The following EMP2 variants were observed in gnomAD, a reference collection of about 807,000 sequenced individuals.
The protein encoded by EMP2 is epithelial membrane protein 2.
Under a neutral mutation model 13.7 loss-of-function variants are expected in EMP2, and 19 were observed. The ratio of observed to expected loss-of-function variants is 1.38; its 90% confidence interval spans 0.97 to 2.03. The LOEUF is 2.03. Ranked by LOEUF, EMP2 falls within the 30% of genes most tolerant of loss-of-function variation. The probability of loss-of-function intolerance (pLI) is 0.00; values close to 1 mark genes in which losing one functional copy is unlikely to be tolerated. For missense variants in EMP2, 253 were observed against 220.7 expected, an observed-to-expected ratio of 1.15 and a Z score of -0.93; for synonymous variants, 97 against 84.7, an observed-to-expected ratio of 1.15 and a Z score of -0.80.
intron 1 of EMP2, among the ~76,000 whole-genome samples, chr16:10,567,014 C>A (rs1448257444): frequency 1.3e-5 from 2 of 152,334 alleles, no homozygotes; most frequent in East Asian, 3.9e-4. Flanking sequence ...GACTTCTTCT[C>A]TTCATTCAGC....
chr16:10,547,537 T>C lies in EMP2; in HGVS notation c.78+3A>G. The C allele has an allele frequency of 6.2e-7, 1 of 1,613,986 alleles. No individual in the cohort carries two copies. The highest frequency in any genetic ancestry group is 8.5e-7 in the Non-Finnish European group (1 of 1,180,010). ...TGCGTGAGTGGCAGGAAAGGAAACT[T>C]ACATTGTCGACGGTGGCAATGAACA... On this transcript the variant is annotated splice_donor_region_variant and intron_variant, in intron 2 of 4. Transcript: ENST00000359543.
intron 1 of EMP2, among the ~76,000 whole-genome samples, chr16:10,551,525 G>A (rs1172605113): frequency 6.6e-6 from 1 of 152,186 alleles, no homozygotes; most frequent in African/African-American, 2.4e-5. Context: ...TCCTGCCTCA[G>A]CCTCCCCAGT....
chr16:10,539,716 T>TA (rs1310660228), intron 3 of EMP2, among the ~76,000 whole-genome samples: 10 of 151,578 alleles, frequency 6.6e-5, no homozygotes, highest in Admixed American at 1.3e-4. Flanking sequence ...ATAACTCCAT[T>TA]AAAAAAAGAA....
chr16:10,546,382 C>T (rs1307889262), intron 2 of EMP2: 1 of 152,180 alleles, frequency 6.6e-6, no homozygotes, highest in South Asian at 2.1e-4. Context: ...TGATGTCACT[C>T]CCTGTTTGGA....
intron 1 of EMP2, among the ~76,000 whole-genome samples, chr16:10,574,944 T>C (rs1467424386): frequency 1.3e-5 from 2 of 151,836 alleles, no homozygotes; most frequent in Admixed American, 1.3e-4. Flanking sequence ...ATCCTCAAAG[T>C]GGCAGCAGAC....
intron 1 of EMP2, among the ~76,000 whole-genome samples, chr16:10,574,130 G>C (rs1439134500): frequency 6.6e-6 from 1 of 151,826 alleles, no homozygotes; most frequent in African/African-American, 2.4e-5. Context: ...TAGAGATGGG[G>C]TTTCACTATA....
In EMP2 at chr16:10,530,487, G is replaced by T. The variant is rs2050590234; in HGVS notation, c.*2418C>A. On this transcript the variant is annotated 3_prime_UTR_variant, in exon 5 of 5. Transcript: ENST00000359543. ...TGCAAAAGTATTTAAATAGCACGAG[G>T]TCCCACACCCCATCCCAGGACAGCC... The T allele has an allele frequency of 6.6e-6, 1 of 152,428 alleles. No individual in the cohort carries two copies. Among genetic ancestry groups the T allele is most frequent in the South Asian group, 2.1e-4 (1 of 4,810 alleles). The allele number at this position is 152,428 out of a possible 1,614,324, so 9.4% of individuals were successfully genotyped here.
At chr16:10,546,167 G>C (rs531473023) in intron 2 of EMP2, 51 of 152,292 alleles carry the variant, frequency 3.3e-4, no homozygotes, top group African/African-American at 1.1e-3. Context: ...ATCGCTAAGT[G>C]ACAGGCATTA....
chr16:10,549,026 C>T (rs1451493125), intron 1 of EMP2, among the ~76,000 whole-genome samples: 1 of 152,172 alleles, frequency 6.6e-6, no homozygotes, highest in Admixed American at 6.5e-5. Context: ...CGGGCTGATG[C>T]AGAAGAGAGC....
Position 10,532,758 on chromosome 16 carries a change from CTTTTTT to C in EMP2, c.*141_*146del, listed in dbSNP as rs878927571. The C allele has an allele frequency of 2.3e-3, 431 of 184,904 alleles. 45 individuals are homozygous for C. The highest frequency in any genetic ancestry group is 0.015 in the African/African-American group (355 of 23,830). The allele number at this position is 184,904 out of a possible 1,614,324, so 11.5% of individuals were successfully genotyped here. ...CTTTTGGATTTTTTTTTTCTTTTTT[CTTTTTT>C]TTTTTTTTTTTTTTTTTTTTTTGGC... On this transcript the variant is annotated 3_prime_UTR_variant, in exon 5 of 5. Transcript: ENST00000359543.
At chr16:10,550,165 C>T (rs1371140960) in intron 1 of EMP2, among the ~76,000 whole-genome samples, 1 of 152,252 alleles carries the variant, frequency 6.6e-6, no homozygotes, top group East Asian at 1.9e-4. Flanking sequence ...GGATTACAGG[C>T]GTGAGCCACC....
chr16:10,539,703 A>G (rs1316258927), intron 3 of EMP2, among the ~76,000 whole-genome samples: 1 of 152,124 alleles, frequency 6.6e-6, no homozygotes, highest in Non-Finnish European at 1.5e-5. Context: ...TTGTTTGTAA[A>G]TTATAACTCC....
intron 1 of EMP2, among the ~76,000 whole-genome samples, chr16:10,551,418 T>C (rs2050787538): frequency 6.6e-6 from 1 of 152,216 alleles, no homozygotes; most frequent in South Asian, 2.1e-4. Context: ...TTCGTTTGTT[T>C]GTTTTTGAGA....
rs767928138 is a variant in EMP2 at position 10,533,093 on chromosome 16, C to A, written c.317-1G>T. On this transcript the variant is annotated splice_acceptor_variant, in intron 4 of 4. Transcript: ENST00000359543. LOFTEE classifies it high-confidence loss of function. ...GAGGCCGCAATCATGACACACAGAC[C>A]TGTCAGGAAGAAAGGTGAATTTTCA... 6.4e-7 allele frequency: 1 copy of A among 1,559,072 alleles called. No homozygotes were observed. The highest frequency in any genetic ancestry group is 1.2e-5 in the South Asian group (1 of 82,872).
intron 1 of EMP2, among the ~76,000 whole-genome samples, chr16:10,554,002 C>T (rs1026230908): frequency 6.6e-6 from 1 of 151,886 alleles, no homozygotes; most frequent in Non-Finnish European, 1.5e-5. Context: ...AGAGGGTCTT[C>T]AGACAGTATC....
intron 1 of EMP2, among the ~76,000 whole-genome samples, chr16:10,550,551 T>C (rs1008332116): frequency 2.0e-5 from 3 of 152,242 alleles, no homozygotes; most frequent in African/African-American, 7.2e-5. Context: ...ATATGAGCCA[T>C]GTGTCCTCAA....
chr16:10,533,850 A>C lies in EMP2; in HGVS notation c.317-758T>G, dbSNP rs540656864. Among the ~76,000 whole-genome samples the C allele has an allele frequency of 2.6e-5, 4 of 152,248 alleles. No individual in the cohort carries two copies. In the East Asian group the frequency reaches 7.7e-4, roughly 29 times the overall value. On this transcript the variant is annotated intron_variant, in intron 4 of 4. Transcript: ENST00000359543. ...CTCCCTGGGCCGGACACGGTGACTC[A>C]TGCCTGTAATCCCAGCACTTTGTGA...
chr16:10,541,261 C>T (rs751222938), intron 3 of EMP2, among the ~76,000 whole-genome samples: 2 of 151,814 alleles, frequency 1.3e-5, no homozygotes, highest in Non-Finnish European at 2.9e-5. Flanking sequence ...GATTTATGTA[C>T]AGAAAAGTGG....
At chr16:10,554,882 C>A (rs976936923) in intron 1 of EMP2, among the ~76,000 whole-genome samples, 1 of 152,134 alleles carries the variant, frequency 6.6e-6, no homozygotes, top group Non-Finnish European at 1.5e-5. Context: ...CCTGAGCATA[C>A]CGTGTAAAGT....
Sources: gnomAD v4.1 joint callset for allele counts (sites outside exome capture counted in the v4.1 genomes callset) on GRCh38, gnomAD v4.1.1 for gene constraint, MANE v1.5 for transcripts, NCBI Gene and HGNC (gene_info 2026-07-23, HGNC 2026-07-21) for gene names.